ERCC3: variants seen among roughly 807,000 people sequenced by gnomAD.
ERCC3 encodes general transcription and DNA repair factor IIH helicase/translocase subunit XPB.
In ERCC3, 66 loss-of-function variants were observed where a neutral mutation model predicts 94.2. The ratio of observed to expected loss-of-function variants is 0.70; its 90% confidence interval spans 0.57 to 0.86. The LOEUF is 0.86. ERCC3 is among the 40% of genes least tolerant of loss of function. The probability of loss-of-function intolerance (pLI) is 0.00; values close to 1 mark genes in which losing one functional copy is unlikely to be tolerated. For synonymous variants in ERCC3, 349 were observed against 369.1 expected (o/e 0.95, Z 0.63); for missense variants, 829 against 987.1 (o/e 0.84, Z 2.15).
In ERCC3 at chr2:127,279,117, C is replaced by T. The variant is rs370605195; in HGVS notation, c.1730+56G>A. On this transcript the variant is annotated intron_variant, in intron 10 of 14. Transcript: ENST00000285398. This position sits in a 1 kb window ranked among gnomAD's most constrained non-coding sequence, Gnocchi z 4.7. Reference sequence around the variant, plus strand: ...AACAAAACAACAGCCACCTTCTGCACTCTCAATGGGGAAGAGAAACTGGCC... The same window carrying T: ...AACAAAACAACAGCCACCTTCTGCATTCTCAATGGGGAAGAGAAACTGGCC... 2.0e-5 allele frequency: 24 copies of T among 1,219,164 alleles called. No individual in the cohort carries two copies. The African/African-American group carries it at 2.7e-4, about 14-fold the overall frequency. 75.5% of individuals were successfully genotyped at this position (1,219,164 alleles called of 1,614,324 possible).
rs1221912984 is a variant in ERCC3, at chr2:127,261,200, T to C, written c.2064+28A>G. On this transcript the variant is annotated intron_variant, in intron 13 of 14. Transcript: ENST00000285398. The stretch of plus-strand genomic sequence containing the variant: ...GGTATCAAGAAGGCCTTGGTCCTAG[T>C]CTAACCAGAAGCCAAATGGATATGT... 1.0e-5 allele frequency: 14 copies of C among 1,378,566 alleles called. No homozygotes were observed. The African/African-American group carries it at 1.1e-4, about 11-fold the overall frequency. The allele number at this position is 1,378,566 out of a possible 1,614,324, so 85.4% of individuals were successfully genotyped here. A position where few individuals can be genotyped will look rare whatever the true frequency, so the allele number is the denominator to read the frequency against.
In ERCC3 at chr2:127,288,834, T is replaced by C. The variant is rs773357279; in HGVS notation, c.853A>G (p.Ile285Val). ...GCCAACAGAGGGTACTCCAGGTGGATGCAACGTTTCTGGAGTTCCTCAATC... is the reference window on the plus strand; with the variant it reads ...GCCAACAGAGGGTACTCCAGGTGGACGCAACGTTTCTGGAGTTCCTCAATC... ...EMIEELQKRC[I>V]HLEYPLLAEY... Residue 285 changes from isoleucine (I) to valine (V), a missense_variant, in exon 7 of 15, where the codon ATC becomes GTC. Coordinates refer to ENST00000285398, the MANE Select transcript of ERCC3 (RefSeq NM_000122.2). 23 of 1,613,958 alleles carry C rather than the reference T, an allele frequency of 1.4e-5. 3 individuals carry two copies. The South Asian group carries it at 2.4e-4, about 17-fold the overall frequency.
intron 10 of ERCC3, among the ~76,000 whole-genome samples, chr2:127,278,849 A>T (rs951127360): frequency 6.6e-6 from 1 of 152,188 alleles, no homozygotes; most frequent in African/African-American, 2.4e-5. Context: ...GAGCTCACAC[A>T]GCCCAAAGCT....
In ERCC3 at chr2:127,257,495, G is replaced by T; in HGVS notation, c.*101C>A. 1 of 1,486,946 alleles carries T rather than the reference G, an allele frequency of 6.7e-7. No individual in the cohort carries two copies. The highest frequency in any genetic ancestry group is 9.4e-7 in the Non-Finnish European group (1 of 1,066,514). The allele number at this position is 1,486,946 out of a possible 1,614,324, so 92.1% of individuals were successfully genotyped here. A position where few individuals can be genotyped will look rare whatever the true frequency, so the allele number is the denominator to read the frequency against. ...TCCTCAGCACAATTTGGCCAACGCT[G>T]GAGGGAAGGTCAAAGAGGTGGAAGG... On this transcript the variant is annotated 3_prime_UTR_variant, in exon 15 of 15. Coordinates refer to ENST00000285398, the MANE Select transcript of ERCC3 (RefSeq NM_000122.2). This position sits in a 1 kb window ranked among gnomAD's most constrained non-coding sequence, Gnocchi z 5.4.
rs769561472 is a variant in ERCC3, at chr2:127,292,631, A to C, written c.450T>G (p.Asp150Glu). ...TTGCCTTAATAAACTGCATAATTCC[A>C]TCAGGGACTCCAGTCTTGCTGAGCT... Reference protein sequence around the residue: ...LRKLSKTGVPDGIMQFIKLCT... With the variant: ...LRKLSKTGVPEGIMQFIKLCT... Residue 150 changes from aspartate to glutamate, a missense_variant, in exon 3 of 15, where the codon GAT (aspartate) becomes GAG (glutamate). Coordinates refer to ENST00000285398, the MANE Select transcript of ERCC3 (RefSeq NM_000122.2). 1.2e-6 allele frequency: 2 copies of C among 1,613,096 alleles called. No homozygotes were observed. The highest frequency in any genetic ancestry group is 1.7e-6 in the Non-Finnish European group (2 of 1,179,074).
chr2:127,266,090 TTTTC>T (rs1684351776), intron 12 of ERCC3, among the ~76,000 whole-genome samples: 1 of 151,610 alleles, frequency 6.6e-6, no homozygotes, highest in African/African-American at 2.4e-5. Flanking sequence ...GGGTTTTTTT[TTTTC>T]TTTTTTCTTT....
At chr2:127,288,298 C>A (rs1049705215) in intron 7 of ERCC3, among the ~76,000 whole-genome samples, 3 of 152,216 alleles carry the variant, frequency 2.0e-5, no homozygotes, top group African/African-American at 7.2e-5. Context: ...CCTAACCCCA[C>A]TAAGTGCAAC....
chr2:127,291,638 A>G lies in ERCC3; in HGVS notation c.471+972T>C, dbSNP rs1200093937. Among the ~76,000 whole-genome samples the G allele has an allele frequency of 6.6e-6, 1 of 152,174 alleles. No homozygotes were observed. Among genetic ancestry groups the G allele is most frequent in the Non-Finnish European group, 1.5e-5 (1 of 68,028 alleles). On this transcript the variant is annotated intron_variant, in intron 3 of 14. Transcript: ENST00000285398. This position sits in a 1 kb window ranked among gnomAD's most constrained non-coding sequence, Gnocchi z 4.9. ...CTTCTCTGGGACTGGCTGCAGTACC[A>G]TACTGAATTCCTGTGGCACTCTTCT...
chr2:127,265,285 G>A (rs981444153), intron 12 of ERCC3, among the ~76,000 whole-genome samples: 7 of 152,172 alleles, frequency 4.6e-5, no homozygotes, highest in Non-Finnish European at 1.5e-5. Flanking sequence ...TAGTTTGTGT[G>A]CACAGAGGTA....
chr2:127,262,401 G>A (rs1250443237), intron 12 of ERCC3: 1 of 152,440 alleles, frequency 6.6e-6, no homozygotes, highest in Middle Eastern at 3.4e-3. Context: ...GCTGAGGCAG[G>A]AGAATCCCTT....
At chr2:127,269,244 T>G (rs1684472615) in intron 12 of ERCC3, among the ~76,000 whole-genome samples, 2 of 152,140 alleles carry the variant, frequency 1.3e-5, no homozygotes, top group Admixed American at 1.3e-4. Flanking sequence ...CTGAAAGACT[T>G]GATCCTTCAG....
chr2:127,288,923 A>C, intron 6 of ERCC3, 59 bp from the exon 7 acceptor site: 4 of 1,316,406 alleles, frequency 3.0e-6, no homozygotes, highest in Non-Finnish European at 4.4e-6. Flanking sequence ...AAAACATTAC[A>C]TCTTCTAAGA....
rs1166341469 is a variant in ERCC3 at position 127,274,408 on chromosome 2, A to G, written c.1731-1447T>C. 2.6e-5 allele frequency among the ~76,000 whole-genome samples: 4 copies of G among 152,200 alleles called. No homozygotes were observed. Among genetic ancestry groups the G allele is most frequent in the East Asian group, 1.9e-4 (1 of 5,204 alleles). ...TAAAAGACAGGTTTCATGTTCCCCA[A>G]TTTACATGTGGGAAACCAAGGGTCA... On this transcript the variant is annotated intron_variant, in intron 10 of 14. Transcript: ENST00000285398. This position sits in a 1 kb window ranked among gnomAD's most constrained non-coding sequence, Gnocchi z 4.0.
rs1434694729 is a variant in ERCC3 at position 127,271,928 on chromosome 2, A to C, written c.1828-475T>G. On this transcript the variant is annotated intron_variant, in intron 11 of 14. Transcript: ENST00000285398. The surrounding 1 kb of genome is among the most constrained non-coding windows in gnomAD (Gnocchi z 5.0). ...GTGGATTCCTCAGCTCTGGGGCTCC[A>C]AACATCGAGGTTCCCAGCCACAGAC... Among the ~76,000 whole-genome samples the C allele has an allele frequency of 6.6e-6, 1 of 151,502 alleles. No individual in the cohort carries two copies. Among genetic ancestry groups the C allele is most frequent in the Non-Finnish European group, 1.5e-5 (1 of 67,980 alleles).
At chr2:127,294,009 C>G (rs556532369) in intron 1 of ERCC3, 45 bp downstream of exon 1, 1 of 1,598,008 alleles carries the variant, frequency 6.3e-7, no homozygotes. Flanking sequence ...GGGGGCAGGG[C>G]CGGCAAGGGC....
chr2:127,267,737 G>T (rs1684419159), intron 12 of ERCC3, among the ~76,000 whole-genome samples: 1 of 152,064 alleles, frequency 6.6e-6, no homozygotes, highest in Non-Finnish European at 1.5e-5. Context: ...GGTAGCAGGT[G>T]TCACCATTCT....
At position 127,257,696 on chromosome 2, in the gene ERCC3, A is replaced by G. The variant is rs566082692; in HGVS notation, c.2249T>C (p.Met750Thr). The G allele has an allele frequency of 1.1e-5, 18 of 1,614,218 alleles. No homozygotes were observed. Among genetic ancestry groups the G allele is most frequent in the South Asian group, 5.5e-5 (5 of 91,080 alleles). ...ASRRFGTMSS[M>T]SGADDTVYME... Reference sequence around the variant, plus strand: ...GTACACAGTGTCGTCGGCCCCAGACATAGAACTCATGGTGCCAAAGCGCCG... The same window carrying G: ...GTACACAGTGTCGTCGGCCCCAGACGTAGAACTCATGGTGCCAAAGCGCCG... The change falls in exon 15 of 15, where the codon ATG becomes ACG. Residue 750 changes from methionine to threonine, a missense_variant. By Grantham distance (81) the Met-to-Thr change is moderately conservative (BLOSUM62 -1). Transcript: ENST00000285398. The surrounding 1 kb of genome is among the most constrained non-coding windows in gnomAD (Gnocchi z 5.4).
intron 2 of ERCC3, 134 bp downstream of exon 2, chr2:127,293,379 G>C: frequency 1.2e-6 from 1 of 842,222 alleles, no homozygotes; most frequent in South Asian, 1.6e-5. Context: ...GTTCCAACGT[G>C]TGTGGATGAA....
intron 12 of ERCC3, among the ~76,000 whole-genome samples, chr2:127,265,426 T>A (rs1684323328): frequency 1.3e-5 from 2 of 152,082 alleles, no homozygotes; most frequent in Admixed American, 1.3e-4. Context: ...ATCTTATTTA[T>A]CTTTTTTTTT....
Sources: allele counts gnomAD v4.1 joint callset (sites outside exome capture counted in the v4.1 genomes callset), GRCh38; gene constraint gnomAD v4.1.1; non-coding constraint Gnocchi (gnomAD v3.1); transcripts MANE v1.5; gene names NCBI Gene and HGNC (gene_info 2026-07-23, HGNC 2026-07-21).